Variants in TNS3 observed in about 807,000 individuals in gnomAD.
TNS3 encodes tensin-3.
Under a neutral mutation model 140.9 loss-of-function variants are expected in TNS3, and 45 were observed. That is an observed-to-expected ratio of 0.32 (90% CI 0.25 to 0.41). TNS3 has a LOEUF of 0.41. Among genes scored for constraint, TNS3 ranks in the 10% least tolerant of loss-of-function variants. The probability of loss-of-function intolerance (pLI) is 1.00; values close to 1 mark genes in which losing one functional copy is unlikely to be tolerated. For missense variants in TNS3, 1,716 were observed against 1,906.7 expected, an observed-to-expected ratio of 0.90 and a Z score of 1.86; for synonymous variants, 815 against 788.4, an observed-to-expected ratio of 1.03 and a Z score of -0.56.
chr7:47,526,264 C>T (rs1010347797), intron 2 of TNS3, among the ~76,000 whole-genome samples: 2 of 152,148 alleles, frequency 1.3e-5, no homozygotes, highest in Non-Finnish European at 2.9e-5. Flanking sequence ...GTATAACCAA[C>T]CTAGTGCAGC....
chr7:47,353,679 A>G (rs1163306834), intron 17 of TNS3, among the ~76,000 whole-genome samples: 1 of 152,114 alleles, frequency 6.6e-6, no homozygotes, highest in East Asian at 1.9e-4. Context: ...CTTCACATCA[A>G]TGTGAAATGA....
intron 20 of TNS3, among the ~76,000 whole-genome samples, chr7:47,309,528 C>T (rs761026722): frequency 2.6e-5 from 4 of 152,218 alleles, no homozygotes; most frequent in East Asian, 3.9e-4. Flanking sequence ...ACCACCTCAC[C>T]GATAAATAGG....
chr7:47,507,360 GA>G (rs1798456922), intron 2 of TNS3, among the ~76,000 whole-genome samples: 1 of 152,132 alleles, frequency 6.6e-6, no homozygotes, highest in African/African-American at 2.4e-5. Context: ...GCTGATCCCT[GA>G]AAAAAGAAGA....
chr7:47,346,203 G>A lies in TNS3; in HGVS notation c.2435C>T (p.Pro812Leu). The A allele has an allele frequency of 2.5e-6, 4 of 1,614,182 alleles. No individual in the cohort carries two copies. The East Asian group carries it at 6.7e-5, about 27-fold the overall frequency. Residue 812 changes from proline to leucine, a missense_variant, in exon 18 of 31, where the codon CCA becomes CTA. Pro to Leu is a moderately conservative substitution (Grantham distance 98). Around this residue, in one of 3 missense-constraint regions of TNS3, gnomAD observed 1,163 missense variants for 1,182.1 expected, o/e 0.98. Coordinates refer to ENST00000311160, the MANE Select transcript of TNS3 (RefSeq NM_022748.12). The part of the protein sequence containing the change: ...YAPNLPPFPS[P>L]ADVKETMTPG... The stretch of plus-strand genomic sequence containing the variant: ...GGCACATACCTCTTTGACGTCCGCT[G>A]GTGAGGGGAATGGCGGCAGGTTTGG...
In TNS3 at chr7:47,369,116, G is replaced by C; in HGVS notation, c.1530C>G (p.Phe510Leu). 1 of 1,613,878 alleles carries C rather than the reference G, an allele frequency of 6.2e-7. No individual in the cohort carries two copies. The highest frequency in any genetic ancestry group is 8.5e-7 in the Non-Finnish European group (1 of 1,180,018). ...EGPQSAHLGP[F>L]TCHKSSQNSL... ...AGTTCTGGCTGCTCTTGTGGCAGGT[G>C]AAGGGACCCAGGTGGGCCGACTGAG... Residue 510 changes from phenylalanine to leucine, a missense_variant, in exon 17 of 31, where the codon TTC becomes TTG. Coordinates refer to ENST00000311160, the MANE Select transcript of TNS3 (RefSeq NM_022748.12).
intron 17 of TNS3, 106 bp downstream of exon 17, chr7:47,368,259 C>G: frequency 8.4e-7 from 1 of 1,195,296 alleles, no homozygotes; most frequent in Non-Finnish European, 1.1e-6. Context: ...ATGTCCCTCC[C>G]TTGTGGATTT....
chr7:47,579,817 G>A (rs1784486431), intron 1 of TNS3: 1 of 985,016 alleles, frequency 1.0e-6, no homozygotes, highest in African/African-American at 1.7e-5. Flanking sequence ...CTGCCAAATG[G>A]TAGGTCAGCC....
chr7:47,545,301 A>G (rs1213207849), intron 1 of TNS3, among the ~76,000 whole-genome samples: 4 of 152,068 alleles, frequency 2.6e-5, no homozygotes, highest in Non-Finnish European at 4.4e-5. Context: ...CACCATGCCC[A>G]GCTAATTTTT....
chr7:47,319,881 T>C (rs1787631075), intron 20 of TNS3, among the ~76,000 whole-genome samples: 2 of 152,178 alleles, frequency 1.3e-5, no homozygotes, highest in Non-Finnish European at 2.9e-5. Context: ...CTGGTCAGAC[T>C]CTAACCAGGT....
At chr7:47,423,328 GAAGT>G (rs1278645944) in intron 10 of TNS3, among the ~76,000 whole-genome samples, 1 of 152,230 alleles carries the variant, frequency 6.6e-6, no homozygotes, top group African/African-American at 2.4e-5. Context: ...ATCTGTGGAG[GAAGT>G]AAGTGCACCT....
chr7:47,374,627 G>A (rs1791269257), intron 16 of TNS3, among the ~76,000 whole-genome samples: 1 of 152,220 alleles, frequency 6.6e-6, no homozygotes, highest in Non-Finnish European at 1.5e-5. Context: ...CTGCATGGCT[G>A]ACTGCCAGTC....
chr7:47,533,117 ATATATATTTTTTTTTTTTT>A (rs1412501771), intron 1 of TNS3, among the ~76,000 whole-genome samples: 1 of 25,730 alleles, frequency 3.9e-5, no homozygotes, highest in African/African-American at 1.4e-4. Flanking sequence ...ATATATATAT[ATATATATTTTTTTTTTTTT>A]TTTTTTTTTT....
chr7:47,424,132 C>T lies in TNS3; in HGVS notation c.442G>A (p.Val148Ile), dbSNP rs1190255024. The change falls in exon 10 of 31, where the codon GTT (valine) becomes ATT (isoleucine). Residue 148 changes from valine to isoleucine, a missense_variant. By Grantham distance (29) the Val-to-Ile change is conservative. Coordinates refer to ENST00000311160, the MANE Select transcript of TNS3 (RefSeq NM_022748.12). ...FAMKKFYDDK[V>I]SALMQPSQKR... ...TGGGAAGGCTGCATTAAAGCTGAAA[C>T]TTTGTCATCATAAAACTTCTTCATT... The T allele has an allele frequency of 2.5e-6, 4 of 1,614,174 alleles. No individual in the cohort carries two copies. The highest frequency in any genetic ancestry group is 1.7e-5 in the Admixed American group (1 of 60,012).
intron 10 of TNS3, 81 bp from the exon 11 acceptor site, chr7:47,415,287 C>T: frequency 1.0e-6 from 1 of 966,052 alleles, no homozygotes; most frequent in Non-Finnish European, 1.6e-6. Context: ...AGAAACACAT[C>T]CTGGCTGAGT....
chr7:47,575,211 A>C (rs1056448062), intron 1 of TNS3, among the ~76,000 whole-genome samples: 1 of 152,176 alleles, frequency 6.6e-6, no homozygotes, highest in African/African-American at 2.4e-5. Context: ...CACATACTGG[A>C]GTACTATACT....
chr7:47,381,646 G>T (rs538974153), intron 16 of TNS3, among the ~76,000 whole-genome samples: 13 of 152,306 alleles, frequency 8.5e-5, no homozygotes, highest in South Asian at 6.2e-4. Context: ...CACGCAGAGG[G>T]TAACAAATCT....
At chr7:47,567,158 C>T (rs764949738) in intron 1 of TNS3, among the ~76,000 whole-genome samples, 2 of 151,940 alleles carry the variant, frequency 1.3e-5, no homozygotes, top group Non-Finnish European at 2.9e-5. Context: ...AGAGAAGAAC[C>T]GTACAAATTC....
intron 16 of TNS3, among the ~76,000 whole-genome samples, chr7:47,394,092 T>C (rs757066100): frequency 1.2e-4 from 18 of 152,168 alleles, no homozygotes; most frequent in Non-Finnish European, 2.4e-4. Flanking sequence ...AATACACCAA[T>C]GGGAATTGTG....
At chr7:47,443,381 G>A (rs1446172742) in intron 4 of TNS3, among the ~76,000 whole-genome samples, 3 of 151,988 alleles carry the variant, frequency 2.0e-5, no homozygotes, top group Admixed American at 6.6e-5. Flanking sequence ...TGACATCTGA[G>A]CTGCACCCCC....
Sources: gnomAD v4.1 joint callset for allele counts (sites outside exome capture counted in the v4.1 genomes callset) on GRCh38, gnomAD v4.1.1 for gene constraint, gnomAD v4.1.1 regional missense constraint, MANE v1.5 for transcripts, NCBI Gene and HGNC (gene_info 2026-07-23, HGNC 2026-07-21) for gene names.